The following KIAA1217 variants were observed in gnomAD, a reference collection of about 807,000 sequenced individuals.
KIAA1217 encodes KIAA1217, also known as sickle tail protein homolog.
A neutral mutation model predicts 163.9 loss-of-function variants in KIAA1217; 88 were observed. The ratio of observed to expected loss-of-function variants is 0.54; its 90% confidence interval spans 0.45 to 0.64. KIAA1217 has a LOEUF of 0.64. Ranked by LOEUF, KIAA1217 falls within the 30% of genes least tolerant of loss-of-function variation. The probability of loss-of-function intolerance (pLI) is 0.00; values close to 1 mark genes in which losing one functional copy is unlikely to be tolerated. For synonymous variants in KIAA1217, 903 were observed against 923.1 expected, an observed-to-expected ratio of 0.98 and a Z score of 0.39; for missense variants, 2,372 against 2,475.0, an observed-to-expected ratio of 0.96 and a Z score of 0.88.
At chr10:24,059,516 T>A (rs2060640974) in intron 2 of KIAA1217, among the ~76,000 whole-genome samples, 1 of 152,174 alleles carries the variant, frequency 6.6e-6, no homozygotes, top group South Asian at 2.1e-4. Context: ...GAGCTTTTGT[T>A]AAGAGGTTTT....
intron 2 of KIAA1217, among the ~76,000 whole-genome samples, chr10:24,232,934 A>AC (rs1322767082): frequency 8.4e-6 from 1 of 118,750 alleles, no homozygotes; most frequent in Non-Finnish European, 1.8e-5. Context: ...CCTTATCTCT[A>AC]CAAAAAAAAA....
At chr10:23,817,984 T>TAC (rs1564447633) in intron 1 of KIAA1217, among the ~76,000 whole-genome samples, 2 of 116,472 alleles carry the variant, frequency 1.7e-5, no homozygotes, top group East Asian at 2.5e-4. Context: ...TATATATATA[T>TAC]ATATATATAT....
At chr10:23,799,938 T>C (rs1345339614) in intron 1 of KIAA1217, among the ~76,000 whole-genome samples, 2 of 152,210 alleles carry the variant, frequency 1.3e-5, no homozygotes, top group Non-Finnish European at 2.9e-5. Flanking sequence ...AATGCCTTTC[T>C]AGGATGTAAA....
intron 2 of KIAA1217, among the ~76,000 whole-genome samples, chr10:24,196,981 C>T (rs550821499): frequency 6.6e-6 from 1 of 152,262 alleles, no homozygotes; most frequent in South Asian, 2.1e-4. Flanking sequence ...TGCCAGGCAC[C>T]GTGCCAGGTG....
intron 1 of KIAA1217, among the ~76,000 whole-genome samples, chr10:23,760,337 C>T (rs2130855523): frequency 6.6e-6 from 1 of 152,340 alleles, no homozygotes; most frequent in Middle Eastern, 3.4e-3. Context: ...CTATTTTCAC[C>T]TCAATGCTTA....
In KIAA1217 at chr10:23,984,366, G is replaced by A. The variant is rs140046018; in HGVS notation, c.-320-22859G>A. Among the ~76,000 whole-genome samples, 203 of 152,282 alleles carry A rather than the reference G, an allele frequency of 1.3e-3. 2 individuals are homozygous for A. Among genetic ancestry groups the A allele is most frequent in the African/African-American group, 4.6e-3 (192 of 41,558 alleles). On this transcript the variant is annotated intron_variant, in intron 1 of 18. Transcript: ENST00000376462. ...TTTCATTTAAAGCTGGCAGTACCTT[G>A]TCAATTTAACTATCTCAAAAGCTTT...
intron 2 of KIAA1217, among the ~76,000 whole-genome samples, chr10:24,295,365 A>G (rs886956974): frequency 6.6e-6 from 1 of 152,210 alleles, no homozygotes. Flanking sequence ...GTAAGATCCA[A>G]TATGGGAAAC....
intron 2 of KIAA1217, among the ~76,000 whole-genome samples, chr10:24,299,419 C>CT: frequency 6.6e-6 from 1 of 152,104 alleles, no homozygotes; most frequent in Admixed American, 6.5e-5. Context: ...GAGTTTTTTC[C>CT]TTTTTTTCTG....
chr10:24,012,181 G>A (rs2131492695), intron 2 of KIAA1217, among the ~76,000 whole-genome samples: 2 of 152,228 alleles, frequency 1.3e-5, no homozygotes, highest in South Asian at 4.1e-4. Context: ...GGATTATGTT[G>A]ACTTTCTGAG....
At chr10:23,762,268 A>G (rs576170808) in intron 1 of KIAA1217, among the ~76,000 whole-genome samples, 18 of 152,156 alleles carry the variant, frequency 1.2e-4, no homozygotes, top group African/African-American at 3.9e-4. Flanking sequence ...AATTCATTTT[A>G]TGAAGCCAAC....
chr10:24,063,937 CTGTT>C (rs1282100547), intron 2 of KIAA1217, among the ~76,000 whole-genome samples: 3 of 152,132 alleles, frequency 2.0e-5, no homozygotes, highest in African/African-American at 4.8e-5. Context: ...ATTTGGCTCT[CTGTT>C]TGTCTGTTAT....
At chr10:23,874,056 G>A (rs1318711263) in intron 1 of KIAA1217, among the ~76,000 whole-genome samples, 1 of 151,984 alleles carries the variant, frequency 6.6e-6, no homozygotes, top group Non-Finnish European at 1.5e-5. Context: ...AAGAATATGT[G>A]CAATATTTTA....
chr10:23,848,919 A>G (rs750190412), intron 1 of KIAA1217, among the ~76,000 whole-genome samples: 3 of 152,116 alleles, frequency 2.0e-5, no homozygotes, highest in Non-Finnish European at 2.9e-5. Flanking sequence ...GTTTGTAATT[A>G]CACATTGCTT....
rs533473582 is a variant in KIAA1217, at chr10:24,400,332, A to G, written c.553+19265A>G. ...GTTAATGCTGCAGTAACAATTCCCA[A>G]ATCTCAACAGCACTTATCACAACCA... On this transcript the variant is annotated intron_variant, in intron 3 of 20. Coordinates refer to ENST00000376454, the MANE Select transcript of KIAA1217 (RefSeq NM_019590.5). 2.0e-5 allele frequency among the ~76,000 whole-genome samples: 3 copies of G among 152,304 alleles called. No homozygotes were observed. The South Asian group carries it at 6.2e-4, about 32-fold the overall frequency.
intron 2 of KIAA1217, among the ~76,000 whole-genome samples, chr10:24,283,779 TCA>T (rs2078235045): frequency 6.6e-6 from 1 of 152,256 alleles, no homozygotes; most frequent in South Asian, 2.1e-4. Flanking sequence ...TGCATCCTGG[TCA>T]GCATTTGATA....
intron 1 of KIAA1217, among the ~76,000 whole-genome samples, chr10:23,817,998 T>TATATACAC (rs1564447822): frequency 9.6e-6 from 1 of 103,740 alleles, no homozygotes; most frequent in African/African-American, 4.2e-5. Flanking sequence ...TATATATATA[T>TATATACAC]ATATATATAT....
chr10:23,750,985 TCCTTCCCTTC>T (rs201432766), intron 1 of KIAA1217, among the ~76,000 whole-genome samples: 1 of 149,946 alleles, frequency 6.7e-6, no homozygotes, highest in Non-Finnish European at 1.5e-5. Context: ...TTCTTCCCTT[TCCTTCCCTTC>T]CCTTCCCTTT....
intron 2 of KIAA1217, among the ~76,000 whole-genome samples, chr10:24,371,261 T>G (rs758322699): frequency 1.3e-5 from 2 of 152,088 alleles, no homozygotes; most frequent in Non-Finnish European, 2.9e-5. Context: ...CCCTGTCTCC[T>G]CTGCAAGGCA....
At chr10:23,865,333 G>A (rs1338016362) in intron 1 of KIAA1217, among the ~76,000 whole-genome samples, 2 of 152,128 alleles carry the variant, frequency 1.3e-5, no homozygotes, top group Non-Finnish European at 2.9e-5. Flanking sequence ...ACTGTGGGAA[G>A]TTGAGCATCT....
Sources: gnomAD v4.1 joint callset for allele counts (sites outside exome capture counted in the v4.1 genomes callset) on GRCh38, gnomAD v4.1.1 for gene constraint, MANE v1.5 for transcripts, NCBI Gene and HGNC (gene_info 2026-07-23, HGNC 2026-07-21) for gene names.